PATJ: variants seen among roughly 807,000 people sequenced by gnomAD.
PATJ encodes PATJ crumbs cell polarity complex component.
In PATJ, 190 loss-of-function variants were observed where a neutral mutation model predicts 224.9. The ratio of observed to expected loss-of-function variants is 0.84; its 90% CI spans 0.75 to 0.95. PATJ has a LOEUF of 0.95. PATJ is among the 40% of genes least tolerant of loss of function. The pLI is 0.00. For synonymous variants in PATJ, 769 were observed against 820.3 expected (o/e 0.94, Z 1.07); for missense variants, 2,121 against 2,270.3 (o/e 0.93, Z 1.34).
At chr1:62,096,016 A>G (rs1018537127) in intron 33 of PATJ, among the ~76,000 whole-genome samples, 1 of 152,166 alleles carries the variant, frequency 6.6e-6, no homozygotes, top group African/African-American at 2.4e-5. Context: ...GTCTTCTTGT[A>G]CTTAGGAACA....
chr1:61,789,397 G>A (rs1649295943), intron 8 of PATJ, among the ~76,000 whole-genome samples: 1 of 152,068 alleles, frequency 6.6e-6, no homozygotes, highest in Non-Finnish European at 1.5e-5. Context: ...GGTGGAAAAG[G>A]GTGGAAGGCC....
chr1:61,920,154 T>A (rs1044833478), intron 26 of PATJ, among the ~76,000 whole-genome samples: 1 of 152,180 alleles, frequency 6.6e-6, no homozygotes, highest in Non-Finnish European at 1.5e-5. Flanking sequence ...AGTTTAAAAT[T>A]TTTATATCAT....
Position 61,979,353 on chromosome 1 carries a change from T to C in PATJ, c.3671-10815T>C, listed in dbSNP as rs368383682. Among the ~76,000 whole-genome samples, 194 of 152,086 alleles carry C rather than the reference T, an allele frequency of 1.3e-3. 1 individual carries two copies. Among genetic ancestry groups the C allele is most frequent in the African/African-American group, 4.5e-3 (185 of 41,402 alleles). On this transcript the variant is annotated intron_variant, in intron 27 of 43. Transcript: ENST00000642238. ...CTTAGGTTAATGGCTGAGGCCTTTA[T>C]AACAACAAAAGACAGATTAGGCCAG... is the stretch of plus-strand genomic sequence containing the variant.
At chr1:61,938,442 A>G (rs986271743) in intron 27 of PATJ, among the ~76,000 whole-genome samples, 7 of 152,196 alleles carry the variant, frequency 4.6e-5, no homozygotes, top group Non-Finnish European at 1.0e-4. Flanking sequence ...TATGCTTACT[A>G]CCTGGATGAC....
At chr1:61,758,949 C>T (rs1266600022) in intron 1 of PATJ, among the ~76,000 whole-genome samples, 1 of 152,156 alleles carries the variant, frequency 6.6e-6, no homozygotes, top group Non-Finnish European at 1.5e-5. Context: ...GTGATTTTCT[C>T]CTGTTTTCCA....
chr1:61,925,869 T>G (rs1042890102), intron 26 of PATJ, among the ~76,000 whole-genome samples: 3 of 152,128 alleles, frequency 2.0e-5, no homozygotes, highest in African/African-American at 7.2e-5. Context: ...AGATTCCAAT[T>G]TAGATACAAA....
At chr1:61,767,917 C>T (rs143464359) in intron 4 of PATJ, among the ~76,000 whole-genome samples, 351 of 151,860 alleles carry the variant, frequency 2.3e-3, no homozygotes, top group African/African-American at 7.4e-3. Context: ...GTGATCCTCC[C>T]GCCTCGGCCT....
chr1:61,766,473 G>A lies in PATJ; in HGVS notation c.384G>A (p.Gln128=). 1.3e-6 allele frequency: 2 copies of A among 1,581,832 alleles called. No individual in the cohort carries two copies. Among genetic ancestry groups the A allele is most frequent in the African/African-American group, 1.4e-5 (1 of 73,314 alleles). The change falls in exon 4 of 44, where the codon CAG becomes CAA. Residue 128 remains glutamine, a splice_region_variant and synonymous_variant. Coordinates refer to ENST00000642238, the MANE Select transcript of PATJ (RefSeq NM_001350145.3). ...DFNSVIQQMA[Q]GRQIEYIDIE... is the part of the protein sequence containing the mutation. ...ACTCAGTCATTCAACAGATGGCTCA[G>A]GTAAAGTTGTATCTTCTCATGGAAA...
intron 1 of PATJ, among the ~76,000 whole-genome samples, chr1:61,753,920 A>T (rs894465314): frequency 6.6e-6 from 1 of 151,760 alleles, no homozygotes; most frequent in Non-Finnish European, 1.5e-5. Flanking sequence ...TTAAATTTCT[A>T]TCTCTCTTCA....
intron 27 of PATJ, among the ~76,000 whole-genome samples, chr1:61,982,514 T>A (rs776940320): frequency 6.6e-6 from 1 of 152,036 alleles, no homozygotes; most frequent in Non-Finnish European, 1.5e-5. Context: ...TACGAAGGTG[T>A]GGGGAAGAAT....
chr1:61,926,112 TG>T (rs1191503683), intron 26 of PATJ, among the ~76,000 whole-genome samples: 1 of 152,194 alleles, frequency 6.6e-6, no homozygotes, highest in Non-Finnish European at 1.5e-5. Context: ...AGGCCTACTG[TG>T]TTCCCAGGAC....
Position 62,084,596 on chromosome 1 carries a change from AG to A in PATJ, c.4328del (p.Gly1443AspfsTer17). On this transcript the variant is annotated frameshift_variant, in exon 33 of 44. Coordinates refer to ENST00000642238, the MANE Select transcript of PATJ (RefSeq NM_001350145.3). LOFTEE classifies it high-confidence loss of function. ...CAGGAAATGATTATAGAAATATCCAAGGGACGTTCAGGGCTTGGTCTCAGCA... is the reference window on the plus strand; with the variant it reads ...CAGGAAATGATTATAGAAATATCCAAGGACGTTCAGGGCTTGGTCTCAGCA... ...PGQEMIIEIS[K>X]GRSGLGLSIV... 2 of 1,613,440 alleles carry A rather than the reference AG, an allele frequency of 1.2e-6. No individual in the cohort carries two copies. Among genetic ancestry groups the A allele is most frequent in the Non-Finnish European group, 1.7e-6 (2 of 1,179,744 alleles).
intron 21 of PATJ, among the ~76,000 whole-genome samples, chr1:61,880,625 C>T (rs546068474): frequency 1.3e-5 from 2 of 152,304 alleles, no homozygotes; most frequent in African/African-American, 4.8e-5. Context: ...TAAGAGCATA[C>T]ACTTGATTTC....
intron 8 of PATJ, among the ~76,000 whole-genome samples, chr1:61,791,133 G>A (rs985929481): frequency 3.3e-5 from 5 of 152,270 alleles, no homozygotes; most frequent in South Asian, 4.1e-4. Context: ...AAGGACTCCA[G>A]TGATGAGATT....
chr1:61,896,743 C>T (rs1670424193), intron 22 of PATJ, among the ~76,000 whole-genome samples: 1 of 152,124 alleles, frequency 6.6e-6, no homozygotes, highest in Non-Finnish European at 1.5e-5. Flanking sequence ...GAAGTTTTCA[C>T]ATGTTGTTCT....
chr1:62,008,787 A>T (rs891956232), intron 28 of PATJ, among the ~76,000 whole-genome samples: 2 of 152,186 alleles, frequency 1.3e-5, no homozygotes, highest in Non-Finnish European at 2.9e-5. Context: ...TTGGAACAAC[A>T]TAAATAAAGT....
At chr1:62,088,794 T>C (rs1009080906) in intron 33 of PATJ, among the ~76,000 whole-genome samples, 1 of 148,812 alleles carries the variant, frequency 6.7e-6, no homozygotes, top group Non-Finnish European at 1.5e-5. Flanking sequence ...TTATAAACAG[T>C]AGAATATATA....
chr1:61,970,312 A>G (rs754189160), intron 27 of PATJ, among the ~76,000 whole-genome samples: 6 of 151,868 alleles, frequency 4.0e-5, no homozygotes, highest in Non-Finnish European at 8.8e-5. Flanking sequence ...CACACGGGCA[A>G]CCTCTCCCAC....
In PATJ at chr1:61,762,048, A is replaced by G. The variant is rs999434431; in HGVS notation, c.-35-810A>G. Among the ~76,000 whole-genome samples, 4 of 152,294 alleles carry G rather than the reference A, an allele frequency of 2.6e-5. No homozygotes were observed. In the East Asian group the frequency reaches 5.8e-4, roughly 22 times the overall value. Reference sequence around the variant, plus strand: ...TGGGTATAGAGAGGACACCTCTCACATGAGGATCCTATGATCTGCTTCAGG... The same window carrying G: ...TGGGTATAGAGAGGACACCTCTCACGTGAGGATCCTATGATCTGCTTCAGG... On this transcript the variant is annotated intron_variant, in intron 1 of 43. Transcript: ENST00000642238.
Sources: allele counts gnomAD v4.1 joint callset (sites outside exome capture counted in the v4.1 genomes callset), GRCh38; gene constraint gnomAD v4.1.1; transcripts MANE v1.5; gene names NCBI Gene and HGNC (gene_info 2026-07-23, HGNC 2026-07-21).